The following GUCY1A2 variants were observed in gnomAD, a reference collection of about 807,000 sequenced individuals.
GUCY1A2 encodes guanylate cyclase 1 soluble subunit alpha 2, also known as guanylate cyclase soluble subunit alpha-2.
GUCY1A2 carries 27 observed loss-of-function variants against 63.5 expected under a neutral mutation model. The observed-to-expected ratio is 0.43, with a 90% CI of 0.31 to 0.59. GUCY1A2 has a LOEUF of 0.59. Ranked by LOEUF, GUCY1A2 falls within the 20% of genes least tolerant of loss-of-function variation. The pLI is 0.11. For synonymous variants in GUCY1A2, 364 were observed against 343.5 expected (o/e 1.06, Z -0.66); for missense variants, 768 against 913.3 (o/e 0.84, Z 2.05).
chr11:107,012,811 T>A (rs918106429), intron 1 of GUCY1A2, among the ~76,000 whole-genome samples: 2 of 152,242 alleles, frequency 1.3e-5, no homozygotes, highest in African/African-American at 4.8e-5. Flanking sequence ...ATAACTTTGT[T>A]AGCCAAATTA....
At position 106,726,259 on chromosome 11, in the gene GUCY1A2, C is replaced by T. The variant is rs146156407; in HGVS notation, c.1837-17593G>A. On this transcript the variant is annotated intron_variant, in intron 6 of 7. Coordinates refer to ENST00000526355, the MANE Select transcript of GUCY1A2 (RefSeq NM_000855.3). ...GTAAAACCTCGTCTCTACTAAAAAA[C>T]ACAAAAATTAGCCAGTCATGGTGGC... Among the ~76,000 whole-genome samples, 964 of 151,956 alleles carry T rather than the reference C, an allele frequency of 6.3e-3. 15 individuals carry two copies. The highest frequency in any genetic ancestry group is 0.022 in the African/African-American group (911 of 41,438).
At chr11:106,806,442 A>G (rs1858687889) in intron 5 of GUCY1A2, among the ~76,000 whole-genome samples, 1 of 152,182 alleles carries the variant, frequency 6.6e-6, no homozygotes, top group African/African-American at 2.4e-5. Flanking sequence ...TGCTTATCTA[A>G]AATCAAAGGC....
At chr11:106,886,873 A>G (rs1859907757) in intron 4 of GUCY1A2, among the ~76,000 whole-genome samples, 1 of 152,102 alleles carries the variant, frequency 6.6e-6, no homozygotes. Flanking sequence ...CCTTCAGGAC[A>G]AAGTCCAAAT....
intron 4 of GUCY1A2, among the ~76,000 whole-genome samples, chr11:106,910,651 G>A (rs1158035904): frequency 6.6e-6 from 1 of 151,908 alleles, no homozygotes; most frequent in Non-Finnish European, 1.5e-5. Context: ...AATGTGAATG[G>A]AAATTATGCA....
At chr11:106,900,713 AT>A (rs534161867) in intron 4 of GUCY1A2, among the ~76,000 whole-genome samples, 2 of 152,216 alleles carry the variant, frequency 1.3e-5, no homozygotes, top group East Asian at 3.9e-4. Flanking sequence ...AGTCACATGA[AT>A]TTTTTTGGTT....
chr11:106,974,678 A>G (rs146708697), intron 3 of GUCY1A2, among the ~76,000 whole-genome samples: 1,606 of 152,172 alleles, frequency 0.011, 16 homozygotes, highest in Non-Finnish European at 0.018. Flanking sequence ...CCCTCTCCCA[A>G]TAAAATAATC....
chr11:106,940,221 A>C (rs1234900733), intron 3 of GUCY1A2, 43 bp from the exon 4 acceptor site: 3 of 874,596 alleles, frequency 3.4e-6, no homozygotes, highest in Non-Finnish European at 3.6e-6. Context: ...GTCTAATATA[A>C]ATAATTGAAT....
At chr11:106,780,084 C>T (rs193037109) in intron 5 of GUCY1A2, among the ~76,000 whole-genome samples, 5 of 152,118 alleles carry the variant, frequency 3.3e-5, no homozygotes, top group Non-Finnish European at 7.4e-5. Context: ...TTGCTAGAGC[C>T]CAGGAGATCA....
intron 4 of GUCY1A2, among the ~76,000 whole-genome samples, chr11:106,877,883 A>C (rs1022769709): frequency 2.6e-5 from 4 of 152,184 alleles, no homozygotes; most frequent in African/African-American, 7.2e-5. Context: ...CGAATCTGAC[A>C]AAGGTCTAAC....
intron 4 of GUCY1A2, among the ~76,000 whole-genome samples, chr11:106,846,067 A>G (rs371199523): frequency 2.6e-5 from 4 of 151,674 alleles, no homozygotes; most frequent in African/African-American, 9.7e-5. Context: ...AGAACTCTAA[A>G]AAATGTTAAC....
In GUCY1A2 at chr11:106,740,865, G is replaced by A. The variant is rs559299790; in HGVS notation, c.1837-32199C>T. ...ATTTTGCACGTTTAGTAGAGACAGCGTTTCTCCATTTTGGTCAGGCTGGTC... is the reference window on the plus strand; with the variant it reads ...ATTTTGCACGTTTAGTAGAGACAGCATTTCTCCATTTTGGTCAGGCTGGTC... On this transcript the variant is annotated intron_variant, in intron 6 of 7. Transcript: ENST00000526355. 2.4e-4 allele frequency among the ~76,000 whole-genome samples: 36 copies of A among 152,118 alleles called. 1 individual carries two copies. In the South Asian group the frequency reaches 7.1e-3, roughly 30 times the overall value.
At chr11:106,708,433 G>T (rs1456214905) in intron 7 of GUCY1A2, 79 bp downstream of exon 7, 37 of 1,137,326 alleles carry the variant, frequency 3.3e-5, no homozygotes, top group Non-Finnish European at 4.4e-5. Flanking sequence ...TCAAGAAAAA[G>T]AACAGGGACT....
intron 1 of GUCY1A2, among the ~76,000 whole-genome samples, chr11:106,988,274 C>A (rs931538030): frequency 9.2e-5 from 14 of 152,230 alleles, no homozygotes; most frequent in Non-Finnish European, 2.1e-4. Flanking sequence ...CCCCTTGGAT[C>A]TGGGCCTCTT....
At chr11:106,952,622 T>A (rs1047405671) in intron 3 of GUCY1A2, among the ~76,000 whole-genome samples, 3 of 151,752 alleles carry the variant, frequency 2.0e-5, no homozygotes, top group Non-Finnish European at 4.4e-5. Flanking sequence ...TGCTTATCAG[T>A]TCAAGAAGTT....
chr11:106,991,802 A>C (rs1728272830), intron 1 of GUCY1A2, among the ~76,000 whole-genome samples: 1 of 152,342 alleles, frequency 6.6e-6, no homozygotes, highest in African/African-American at 2.4e-5. Flanking sequence ...TCTCACAGTA[A>C]CCCACTCCCA....
chr11:106,804,572 A>G (rs1425568488), intron 5 of GUCY1A2, among the ~76,000 whole-genome samples: 4 of 152,148 alleles, frequency 2.6e-5, no homozygotes, highest in Admixed American at 6.5e-5. Flanking sequence ...TTGAGAATCT[A>G]CTGCATTTTC....
chr11:106,721,770 A>T (rs1165523253), intron 6 of GUCY1A2, among the ~76,000 whole-genome samples: 1 of 152,226 alleles, frequency 6.6e-6, no homozygotes, highest in African/African-American at 2.4e-5. Flanking sequence ...TCAAACAATG[A>T]ACAAAACTGT....
In GUCY1A2 at chr11:106,864,812, G is replaced by A. The variant is rs538377107; in HGVS notation, c.1207-54334C>T. ...GCTTTTTAATGTGCTGCTGGATTCGGTTTGCCAGTATTTTATTGAGGATTT... is the reference window on the plus strand; with the variant it reads ...GCTTTTTAATGTGCTGCTGGATTCGATTTGCCAGTATTTTATTGAGGATTT... On this transcript the variant is annotated intron_variant, in intron 4 of 7. Transcript: ENST00000526355. Among the ~76,000 whole-genome samples, 73 of 152,158 alleles carry A rather than the reference G, an allele frequency of 4.8e-4. 1 individual carries two copies. In the South Asian group the frequency reaches 9.1e-3, roughly 19 times the overall value.
chr11:106,685,207 A>G lies in GUCY1A2; in HGVS notation c.*2342T>C, dbSNP rs1862503412. On this transcript the variant is annotated 3_prime_UTR_variant, in exon 8 of 8. Coordinates refer to ENST00000526355, the MANE Select transcript of GUCY1A2 (RefSeq NM_000855.3). ...TGGCACGTTCTTCATCGTGACATTTATGGCAATGTAAATGGATACTTATTC... is the reference window on the plus strand; with the variant it reads ...TGGCACGTTCTTCATCGTGACATTTGTGGCAATGTAAATGGATACTTATTC... 1 of 203,246 alleles carries G rather than the reference A, an allele frequency of 4.9e-6. No individual in the cohort carries two copies. Among genetic ancestry groups the G allele is most frequent in the Non-Finnish European group, 1.0e-5 (1 of 99,080 alleles). 12.6% of individuals were successfully genotyped at this position (203,246 alleles called of 1,614,324 possible).
Sources: allele counts gnomAD v4.1 joint callset (sites outside exome capture counted in the v4.1 genomes callset), GRCh38; gene constraint gnomAD v4.1.1; transcripts MANE v1.5; gene names NCBI Gene and HGNC (gene_info 2026-07-23, HGNC 2026-07-21).